The following NBEA variants were observed in gnomAD, a reference collection of about 807,000 sequenced individuals.
The protein encoded by NBEA is neurobeachin, also known as lysosomal-trafficking regulator 2.
NBEA carries 44 observed loss-of-function variants against 343.4 expected under a neutral mutation model. That is an observed-to-expected ratio of 0.13 (90% CI 0.10 to 0.16). NBEA has a LOEUF of 0.16. NBEA is among the 10% of genes least tolerant of loss of function. NBEA has a pLI of 1.00. For synonymous variants in NBEA, 1,175 were observed against 1,238.7 expected (o/e 0.95, Z 1.08); for missense variants, 2,555 against 3,631.3 (o/e 0.70, Z 7.62).
At chr13:35,056,214 T>C (rs2063253920) in intron 7 of NBEA, 85 bp downstream of exon 7, 20 of 1,143,532 alleles carry the variant, frequency 1.7e-5, no homozygotes, top group Non-Finnish European at 2.1e-5. Context: ...ATAAAATAGT[T>C]TGGTAGAAGC....
chr13:35,217,500 TTGTTTTAC>T (rs2152758463), intron 33 of NBEA, among the ~76,000 whole-genome samples: 1 of 152,190 alleles, frequency 6.6e-6, no homozygotes, highest in South Asian at 2.1e-4. Context: ...GGTTTAAAAG[TTGTTTTAC>T]TTTTAAGTCT....
intron 34 of NBEA, among the ~76,000 whole-genome samples, chr13:35,271,049 GT>G (rs2152804388): frequency 6.6e-6 from 1 of 152,360 alleles, no homozygotes; most frequent in East Asian, 1.9e-4. Context: ...GCCTCCTCAA[GT>G]GGGTCCCTGA....
intron 16 of NBEA, among the ~76,000 whole-genome samples, chr13:35,119,506 C>CTT (rs1319461457): frequency 6.6e-6 from 1 of 152,090 alleles, no homozygotes; most frequent in African/African-American, 2.4e-5. Context: ...TGAGTATTAC[C>CTT]TTTGAGTTTA....
At chr13:35,183,690 C>T (rs1353258287) in intron 29 of NBEA, among the ~76,000 whole-genome samples, 1 of 151,874 alleles carries the variant, frequency 6.6e-6, no homozygotes, top group Non-Finnish European at 1.5e-5. Flanking sequence ...ATTTTTAATG[C>T]TTTTATATCC....
chr13:35,197,332 T>G (rs2072689304), intron 31 of NBEA, among the ~76,000 whole-genome samples: 1 of 152,160 alleles, frequency 6.6e-6, no homozygotes, highest in African/African-American at 2.4e-5. Context: ...TTTTTTGTTT[T>G]AGAAAGACAA....
At position 35,377,375 on chromosome 13, in the gene NBEA, T is replaced by C. The variant is rs2041801575; in HGVS notation, c.6179+25052T>C. ...TGAAGGACTACATAGTCAATTTAGGTTGAACTGTTGAGGCTGGCCATGAGA... is the reference window on the plus strand; with the variant it reads ...TGAAGGACTACATAGTCAATTTAGGCTGAACTGTTGAGGCTGGCCATGAGA... On this transcript the variant is annotated intron_variant, in intron 38 of 58. Coordinates refer to ENST00000379939, the MANE Select transcript of NBEA (RefSeq NM_001385012.1). Among the ~76,000 whole-genome samples, 3 of 152,180 alleles carry C rather than the reference T, an allele frequency of 2.0e-5. No individual in the cohort carries two copies. In the South Asian group the frequency reaches 6.2e-4, roughly 32 times the overall value.
intron 49 of NBEA, among the ~76,000 whole-genome samples, chr13:35,641,518 T>TA (rs1196983971): frequency 1.3e-5 from 2 of 152,178 alleles, no homozygotes; most frequent in East Asian, 3.9e-4. Flanking sequence ...TACCGATACA[T>TA]ACAACAAGGT....
intron 23 of NBEA, among the ~76,000 whole-genome samples, chr13:35,162,718 T>C (rs1457493115): frequency 6.6e-6 from 1 of 151,740 alleles, no homozygotes; most frequent in Non-Finnish European, 1.5e-5. Flanking sequence ...AAAAAGAAAA[T>C]GGGATTATAA....
At chr13:35,654,814 A>G (rs369631314) in intron 53 of NBEA, 41 bp from the exon 54 acceptor site, 56 of 1,525,430 alleles carry the variant, frequency 3.7e-5, no homozygotes, top group Admixed American at 1.7e-4. Context: ...CAAAACTCAT[A>G]TGGAATCTTT....
intron 38 of NBEA, among the ~76,000 whole-genome samples, chr13:35,410,854 G>A (rs1267603251): frequency 6.6e-6 from 1 of 152,118 alleles, no homozygotes; most frequent in Non-Finnish European, 1.5e-5. Flanking sequence ...GTTTGATAAG[G>A]GGAATGAGCA....
At chr13:35,314,668 A>G (rs1224914630) in intron 36 of NBEA, among the ~76,000 whole-genome samples, 2 of 152,168 alleles carry the variant, frequency 1.3e-5, no homozygotes, top group Non-Finnish European at 2.9e-5. Flanking sequence ...GGCAAATCAT[A>G]ATCTTCCTCT....
intron 34 of NBEA, among the ~76,000 whole-genome samples, chr13:35,253,249 T>TATG (rs1336115675): frequency 2.0e-5 from 3 of 152,230 alleles, no homozygotes; most frequent in Non-Finnish European, 4.4e-5. Context: ...TTACAGATAC[T>TATG]ATGTTAACAA....
chr13:35,631,227 T>A (rs1389887728), intron 49 of NBEA, among the ~76,000 whole-genome samples: 1 of 152,116 alleles, frequency 6.6e-6, no homozygotes, highest in Non-Finnish European at 1.5e-5. Flanking sequence ...TATTTAGTGG[T>A]CATTTATGCA....
chr13:35,236,968 T>C lies in NBEA; in HGVS notation c.5776+4349T>C, dbSNP rs886239541. 2.0e-5 allele frequency among the ~76,000 whole-genome samples: 3 copies of C among 152,126 alleles called. 1 individual carries two copies. In the South Asian group the frequency reaches 6.2e-4, roughly 32 times the overall value. ...CTTAGACTCTGGTACATCATAAATATTCAGTGTTTTTCCCTTGTGTTTGCA... is the reference window on the plus strand; with the variant it reads ...CTTAGACTCTGGTACATCATAAATACTCAGTGTTTTTCCCTTGTGTTTGCA... On this transcript the variant is annotated intron_variant, in intron 34 of 58. Coordinates refer to ENST00000379939, the MANE Select transcript of NBEA (RefSeq NM_001385012.1).
chr13:35,184,926 T>C (rs1415209274), intron 30 of NBEA, among the ~76,000 whole-genome samples: 1 of 152,118 alleles, frequency 6.6e-6, no homozygotes, highest in African/African-American at 2.4e-5. Context: ...ATGATAAATA[T>C]GATGGTGTTT....
chr13:35,573,674 A>G lies in NBEA; in HGVS notation c.7035+6657A>G, dbSNP rs377665050. On this transcript the variant is annotated intron_variant, in intron 45 of 58. Coordinates refer to ENST00000379939, the MANE Select transcript of NBEA (RefSeq NM_001385012.1). ...ATCACCCTTTCAGAAAAAGAGAGGG[A>G]AAAAAATCCTATAGAGCCTGTTTTG... Among the ~76,000 whole-genome samples, 119 of 152,284 alleles carry G rather than the reference A, an allele frequency of 7.8e-4. 1 individual carries two copies. The highest frequency in any genetic ancestry group is 2.8e-3 in the African/African-American group (115 of 41,566).
At chr13:35,144,555 C>G (rs192553628) in intron 18 of NBEA, among the ~76,000 whole-genome samples, 5 of 152,100 alleles carry the variant, frequency 3.3e-5, no homozygotes, top group Non-Finnish European at 7.4e-5. Flanking sequence ...GCTAGTCATG[C>G]GAAACTGCTG....
chr13:35,290,998 G>T (rs2035770259), intron 35 of NBEA, among the ~76,000 whole-genome samples: 1 of 151,636 alleles, frequency 6.6e-6, no homozygotes, highest in Non-Finnish European at 1.5e-5. Flanking sequence ...AAAGATAAAT[G>T]ATAATTGTTG....
chr13:35,530,950 C>A (rs532128352), intron 41 of NBEA, among the ~76,000 whole-genome samples: 2 of 152,316 alleles, frequency 1.3e-5, no homozygotes, highest in South Asian at 4.1e-4. Flanking sequence ...ACAGAGTTTT[C>A]TGCCTGTGTT....
Sources: gnomAD v4.1 joint callset for allele counts (sites outside exome capture counted in the v4.1 genomes callset) on GRCh38, gnomAD v4.1.1 for gene constraint, MANE v1.5 for transcripts, NCBI Gene and HGNC (gene_info 2026-07-23, HGNC 2026-07-21) for gene names.